FGD5: variants seen among roughly 807,000 people sequenced by gnomAD.
The protein encoded by FGD5 is FYVE, RhoGEF and PH domain-containing protein 5.
A neutral mutation model predicts 133.4 loss-of-function variants in FGD5; 28 were observed. The ratio of observed to expected loss-of-function variants is 0.21; its 90% confidence interval spans 0.16 to 0.29. The LOEUF (loss-of-function observed/expected upper bound fraction) is 0.29, where lower values mean the gene tolerates loss of function less well. Among genes scored for constraint, FGD5 ranks in the 10% least tolerant of loss-of-function variants. The pLI is 1.00. For synonymous variants in FGD5, 810 were observed against 776.5 expected (o/e 1.04, Z -0.72); for missense variants, 1,858 against 1,895.2 (o/e 0.98, Z 0.36).
intron 17 of FGD5, 73 bp downstream of exon 17, chr3:14,924,211 G>C: frequency 6.2e-7 from 1 of 1,606,236 alleles, no homozygotes; most frequent in Non-Finnish European, 8.5e-7. Flanking sequence ...GGTAGACGGA[G>C]TCAGACCCTG....
At chr3:14,871,364 C>T (rs916022911) in intron 2 of FGD5, among the ~76,000 whole-genome samples, 1 of 152,196 alleles carries the variant, frequency 6.6e-6, no homozygotes, top group Admixed American at 6.5e-5. Flanking sequence ...CCAGTTCCTG[C>T]ATTTACATAA....
chr3:14,818,160 A>G (rs1337357827), upstream of FGD5, among the ~76,000 whole-genome samples: 1 of 152,196 alleles, frequency 6.6e-6, no homozygotes, highest in Non-Finnish European at 1.5e-5. Context: ...CTCAGCATCC[A>G]CAGATATCCA....
intron 1 of FGD5, among the ~76,000 whole-genome samples, chr3:14,812,283 C>G (rs1366643254): frequency 1.3e-5 from 2 of 152,134 alleles, no homozygotes. Flanking sequence ...AACAGAGGCC[C>G]AGAGCCCAGC....
At chr3:14,828,736 A>G (rs1421000862) in intron 1 of FGD5, among the ~76,000 whole-genome samples, 2 of 151,928 alleles carry the variant, frequency 1.3e-5, no homozygotes, top group Admixed American at 1.3e-4. Flanking sequence ...AAAGTGATAA[A>G]GCTTGGTTAG....
chr3:14,887,538 CT>C (rs983371473), intron 4 of FGD5, among the ~76,000 whole-genome samples: 2 of 151,798 alleles, frequency 1.3e-5, no homozygotes, highest in Non-Finnish European at 2.9e-5. Flanking sequence ...TAGCAAGACC[CT>C]GTCCCTAAAA....
chr3:14,871,974 A>C (rs1294881588), intron 2 of FGD5, among the ~76,000 whole-genome samples: 1 of 152,220 alleles, frequency 6.6e-6, no homozygotes, highest in Non-Finnish European at 1.5e-5. Flanking sequence ...CATTAGAAAC[A>C]CAGTATCCCA....
rs142813087 is a variant in FGD5, at chr3:14,835,931, G to C, written c.2525+14335G>C. ...ACCTGATATGAAGAAGGGATCAGAG[G>C]AGGGCAGGAAAAGGGGCCTCTGAAA... is the stretch of plus-strand genomic sequence containing the variant. On this transcript the variant is annotated intron_variant, in intron 1 of 19. Coordinates refer to ENST00000285046, the MANE Select transcript of FGD5 (RefSeq NM_152536.4). Among the ~76,000 whole-genome samples the C allele has an allele frequency of 1.4e-3, 217 of 152,306 alleles. 2 individuals are homozygous for C. The highest frequency in any genetic ancestry group is 5.2e-3 in the African/African-American group (215 of 41,566).
chr3:14,847,069 G>A (rs1392947277), intron 1 of FGD5, among the ~76,000 whole-genome samples: 1 of 152,166 alleles, frequency 6.6e-6, no homozygotes, highest in Non-Finnish European at 1.5e-5. Flanking sequence ...CTGCTGGTAA[G>A]CACTTGGCCA....
chr3:14,914,909 C>T lies in FGD5; in HGVS notation c.3406-2340C>T, dbSNP rs538561744. Among the ~76,000 whole-genome samples, 3 of 152,366 alleles carry T rather than the reference C, an allele frequency of 2.0e-5. No homozygotes were observed. The South Asian group carries it at 6.2e-4, about 32-fold the overall frequency. ...GCCTGGTGCAGAATCGGTGTCAATG[C>T]ACTGTAGTGCCTGTCACTCTTAGAA... On this transcript the variant is annotated intron_variant, in intron 11 of 19. Transcript: ENST00000285046.
chr3:14,862,334 GC>G (rs1383283649), intron 1 of FGD5, among the ~76,000 whole-genome samples: 3 of 152,336 alleles, frequency 2.0e-5, no homozygotes, highest in Admixed American at 2.0e-4. Context: ...ATTGATGCAG[GC>G]AGCTCTGGAG....
chr3:14,922,753 A>G lies in FGD5; in HGVS notation c.3807+205A>G, dbSNP rs1391649834. On this transcript the variant is annotated intron_variant, in intron 15 of 19. Transcript: ENST00000285046. This position sits in a 1 kb window ranked among gnomAD's most constrained non-coding sequence, Gnocchi z 4.1. Reference sequence around the variant, plus strand: ...GAGCTCCAAGTCCCAGGCCTCTTCCACACCACCACGTTTTCAACAGAAAAC... The same window carrying G: ...GAGCTCCAAGTCCCAGGCCTCTTCCGCACCACCACGTTTTCAACAGAAAAC... 2.0e-5 allele frequency among the ~76,000 whole-genome samples: 3 copies of G among 152,192 alleles called. No individual in the cohort carries two copies. The highest frequency in any genetic ancestry group is 6.5e-5 in the Admixed American group (1 of 15,282).
intron 1 of FGD5, among the ~76,000 whole-genome samples, chr3:14,823,094 T>C (rs1344166659): frequency 6.6e-6 from 1 of 152,176 alleles, no homozygotes; most frequent in Non-Finnish European, 1.5e-5. Flanking sequence ...GTTTGGAGAA[T>C]GTGGACTCGT....
chr3:14,833,422 G>A (rs1474144778), intron 1 of FGD5, among the ~76,000 whole-genome samples: 1 of 152,174 alleles, frequency 6.6e-6, no homozygotes, highest in Non-Finnish European at 1.5e-5. Context: ...CACATTAAAC[G>A]ATTCTATCTT....
intron 1 of FGD5, among the ~76,000 whole-genome samples, chr3:14,823,117 AG>A (rs1403478088): frequency 1.3e-5 from 2 of 152,160 alleles, no homozygotes; most frequent in East Asian, 3.9e-4. Context: ...GAGCTGCAAG[AG>A]GGGTAGAGAG....
intron 4 of FGD5, among the ~76,000 whole-genome samples, chr3:14,886,107 G>A (rs1381677315): frequency 1.3e-5 from 2 of 152,232 alleles, no homozygotes; most frequent in Non-Finnish European, 1.5e-5. Context: ...AGGGACTAAA[G>A]TTCCATCTGC....
intron 1 of FGD5, among the ~76,000 whole-genome samples, chr3:14,830,361 A>G (rs1183708486): frequency 3.3e-5 from 5 of 152,210 alleles, no homozygotes; most frequent in Admixed American, 6.5e-5. Context: ...AATAATTTTT[A>G]ATTAAATGCA....
At chr3:14,892,027 A>C (rs1575236447) in intron 4 of FGD5, among the ~76,000 whole-genome samples, 3 of 142,434 alleles carry the variant, frequency 2.1e-5, no homozygotes, top group East Asian at 2.1e-4. Context: ...GTCCCATCCC[A>C]CCTCCCTGTC....
At chr3:14,889,970 T>A (rs1033451465) in intron 4 of FGD5, among the ~76,000 whole-genome samples, 2 of 152,210 alleles carry the variant, frequency 1.3e-5, no homozygotes, top group African/African-American at 4.8e-5. Context: ...TCTCTCAATC[T>A]GTGACTTCCT....
intron 2 of FGD5, among the ~76,000 whole-genome samples, chr3:14,878,440 C>T (rs904951835): frequency 6.6e-6 from 1 of 152,052 alleles, no homozygotes; most frequent in Admixed American, 6.6e-5. Flanking sequence ...CTTCTTCTAT[C>T]CCTGGTTACT....
Sources: allele counts gnomAD v4.1 joint callset (sites outside exome capture counted in the v4.1 genomes callset), GRCh38; gene constraint gnomAD v4.1.1; non-coding constraint Gnocchi (gnomAD v3.1); transcripts MANE v1.5; gene names NCBI Gene and HGNC (gene_info 2026-07-23, HGNC 2026-07-21).